ADIPOQ: variants seen among roughly 807,000 people sequenced by gnomAD.
The protein encoded by ADIPOQ is adiponectin, C1Q and collagen domain containing.
In ADIPOQ, 19 loss-of-function variants were observed where a neutral mutation model predicts 16.1. The ratio of observed to expected loss-of-function variants is 1.18; its 90% CI spans 0.82 to 1.73. ADIPOQ has a LOEUF of 1.73. ADIPOQ is among the 40% of genes most tolerant of loss of function. The pLI is 0.00. For synonymous variants in ADIPOQ, 124 were observed against 125.5 expected (o/e 0.99, Z 0.08); for missense variants, 323 against 308.3 (o/e 1.05, Z -0.36).
intron 1 of ADIPOQ, 103 bp from the exon 2 acceptor site, chr3:186,852,948 G>C: frequency 8.2e-7 from 1 of 1,222,474 alleles, no homozygotes; most frequent in Non-Finnish European, 1.2e-6. Flanking sequence ...GCAGCTCCTA[G>C]AAGTAGACTC....
At chr3:186,848,229 AGAAGGAAGGAAGGAAGGAAAGAAG>A (rs1579204980) in intron 1 of ADIPOQ, among the ~76,000 whole-genome samples, 32 of 132,382 alleles carry the variant, frequency 2.4e-4, no homozygotes, top group East Asian at 1.0e-3. Context: ...AAGGAAGGAA[AGAAGGAAGGAAGGAAGGAAAGAAG>A]GAAGGAAGGA....
At chr3:186,846,251 C>CT (rs11412081) in intron 1 of ADIPOQ, among the ~76,000 whole-genome samples, 100,515 of 147,324 alleles carry the variant, frequency 0.68, 34,276 homozygotes, top group East Asian at 0.86. Flanking sequence ...ATTTTGTATA[C>CT]TTTTTTTTTT....
At chr3:186,851,286 C>T (rs948404674) in intron 1 of ADIPOQ, among the ~76,000 whole-genome samples, 1 of 152,148 alleles carries the variant, frequency 6.6e-6, no homozygotes, top group African/African-American at 2.4e-5. Context: ...CCACATTAAC[C>T]CACAGAGGGT....
In ADIPOQ at chr3:186,857,985, T is replaced by A. The variant is rs1712072810; in HGVS notation, c.*3281T>A. 1 of 151,688 alleles carries A rather than the reference T, an allele frequency of 6.6e-6. No homozygotes were observed. The highest frequency in any genetic ancestry group is 1.5e-5 in the Non-Finnish European group (1 of 67,938). The allele number at this position is 151,688 out of a possible 1,614,324, so 9.4% of individuals were successfully genotyped here. A position where few individuals can be genotyped will look rare whatever the true frequency, so the allele number is the denominator to read the frequency against. ...TCCTCCTTTTCTTTCTCTCTCTCTC[T>A]CTCTCTCTTTTTTTGACAGACTCTC... On this transcript the variant is annotated 3_prime_UTR_variant, in exon 3 of 3. Transcript: ENST00000320741.
intron 1 of ADIPOQ, among the ~76,000 whole-genome samples, chr3:186,847,850 CTTAG>C (rs1198848346): frequency 3.9e-5 from 6 of 152,250 alleles, no homozygotes; most frequent in African/African-American, 1.4e-4. Flanking sequence ...CTCACTATTA[CTTAG>C]TAATAATTTT....
chr3:186,857,351 A>T lies in ADIPOQ; in HGVS notation c.*2647A>T, dbSNP rs938646056. 1 of 152,250 alleles carries T rather than the reference A, an allele frequency of 6.6e-6. No homozygotes were observed. The highest frequency in any genetic ancestry group is 6.5e-5 in the Admixed American group (1 of 15,280). The allele number at this position is 152,250 out of a possible 1,614,324, so 9.4% of individuals were successfully genotyped here. A position where few individuals can be genotyped will look rare whatever the true frequency, so the allele number is the denominator to read the frequency against. On this transcript the variant is annotated 3_prime_UTR_variant, in exon 3 of 3. Coordinates refer to ENST00000320741, the MANE Select transcript of ADIPOQ (RefSeq NM_004797.4). ...ACTGTTATCAGAAATAGGAGAGTGG[A>T]TGATAGATGCAAAATAATACCTGTC...
chr3:186,843,266 C>T (rs1205052179), intron 1 of ADIPOQ, among the ~76,000 whole-genome samples: 1 of 152,160 alleles, frequency 6.6e-6, no homozygotes, highest in African/African-American at 2.4e-5. Context: ...ATGGGCTAGA[C>T]AGTGGATTGG....
rs1712029097 is a variant in ADIPOQ at position 186,856,973 on chromosome 3, CCTT to C, written c.*2272_*2274del. The C allele has an allele frequency of 6.6e-6, 1 of 152,218 alleles. No homozygotes were observed. Among genetic ancestry groups the C allele is most frequent in the Non-Finnish European group, 1.5e-5 (1 of 68,044 alleles). 9.4% of individuals were successfully genotyped at this position (152,218 alleles called of 1,614,324 possible). A position where few individuals can be genotyped will look rare whatever the true frequency, so the allele number is the denominator to read the frequency against. ...ACAATCAAGACCCTTTTCTGTATGTCCTTCTGTTCTGCCTTCCGCAGTGTAGGC... is the reference window on the plus strand; with the variant it reads ...ACAATCAAGACCCTTTTCTGTATGTCCTGTTCTGCCTTCCGCAGTGTAGGC... On this transcript the variant is annotated 3_prime_UTR_variant, in exon 3 of 3. Transcript: ENST00000320741.
At position 186,854,241 on chromosome 3, in the gene ADIPOQ, C is replaced by A. The variant is rs200470297; in HGVS notation, c.272C>A (p.Pro91His). Residue 91 changes from proline to histidine, a missense_variant, in exon 3 of 3, where the codon CCC becomes CAC. Physicochemically the swap from Pro to His is moderately conservative, Grantham distance 77. Coordinates refer to ENST00000320741, the MANE Select transcript of ADIPOQ (RefSeq NM_004797.4). Reference sequence around the variant, plus strand: ...ACCGGAGTACCCGGGGCTGAAGGTCCCCGAGGCTTTCCGGGAATCCAAGGC... The same window carrying A: ...ACCGGAGTACCCGGGGCTGAAGGTCACCGAGGCTTTCCGGGAATCCAAGGC... Reference protein sequence around the residue: ...GETGVPGAEGPRGFPGIQGRK... With the variant: ...GETGVPGAEGHRGFPGIQGRK... 1 of 1,613,574 alleles carries A rather than the reference C, an allele frequency of 6.2e-7. No homozygotes were observed. The highest frequency in any genetic ancestry group is 2.2e-5 in the East Asian group (1 of 44,880).
chr3:186,844,913 T>C (rs1027325390), intron 1 of ADIPOQ, among the ~76,000 whole-genome samples: 5 of 152,118 alleles, frequency 3.3e-5, no homozygotes, highest in African/African-American at 1.2e-4. Flanking sequence ...ACGGCTAAAG[T>C]CAAGAGGTGA....
intron 1 of ADIPOQ, among the ~76,000 whole-genome samples, chr3:186,845,097 T>C (rs1214979619): frequency 6.6e-6 from 1 of 150,856 alleles, no homozygotes; most frequent in African/African-American, 2.4e-5. Context: ...TTTGGATGGG[T>C]GTGTATGTGT....
At chr3:186,852,980 T>G in intron 1 of ADIPOQ, 71 bp from the exon 2 acceptor site, 3 of 1,533,176 alleles carry the variant, frequency 2.0e-6, no homozygotes, top group Non-Finnish European at 2.7e-6. Context: ...ACGGAGTCCT[T>G]TGTAGGTCCC....
intron 1 of ADIPOQ, among the ~76,000 whole-genome samples, chr3:186,845,380 A>AT (rs984075927): frequency 3.7e-4 from 56 of 151,552 alleles, no homozygotes; most frequent in African/African-American, 1.2e-3. Context: ...TTTTATTTTT[A>AT]TTTTTTTTGA....
intron 1 of ADIPOQ, among the ~76,000 whole-genome samples, chr3:186,844,056 A>G (rs562267535): frequency 3.6e-4 from 55 of 152,248 alleles, no homozygotes; most frequent in African/African-American, 1.3e-3. Context: ...GGTTGGGGAG[A>G]TGGGGGTCCC....
At chr3:186,844,473 T>C (rs934639286) in intron 1 of ADIPOQ, among the ~76,000 whole-genome samples, 2 of 144,494 alleles carry the variant, frequency 1.4e-5, no homozygotes, top group African/African-American at 5.2e-5. Context: ...ATCACAGCAT[T>C]GCACTCCAGC....
At chr3:186,852,441 GGTGA>G (rs1711808388) in intron 1 of ADIPOQ, 1 of 154,190 alleles carries the variant, frequency 6.5e-6, no homozygotes, top group Non-Finnish European at 1.4e-5. Context: ...CTTAACACAA[GGTGA>G]GTCTCTCCCT....
chr3:186,853,646 A>G (rs913601734), intron 2 of ADIPOQ: 4 of 288,730 alleles, frequency 1.4e-5, no homozygotes, highest in Non-Finnish European at 2.6e-5. Context: ...CCTTTGGGGA[A>G]CTCTTGATCT....
At chr3:186,846,175 C>T (rs866756422) in intron 1 of ADIPOQ, among the ~76,000 whole-genome samples, 12 of 152,228 alleles carry the variant, frequency 7.9e-5, no homozygotes, top group Middle Eastern at 3.4e-3. Context: ...CTCAGCCTTC[C>T]CATTTGTAAA....
At position 186,853,101 on chromosome 3, in the gene ADIPOQ, G is replaced by A. The variant is rs537542748; in HGVS notation, c.43G>A (p.Gly15Ser). The A allele has an allele frequency of 3.5e-5, 56 of 1,614,150 alleles. 3 individuals are homozygous for A. The highest frequency in any genetic ancestry group is 1.9e-4 in the African/African-American group (14 of 75,050). Reference sequence around the variant, plus strand: ...TGTTCTACTGCTATTAGCTCTGCCCGGTCATGACCAGGAAACCACGACTCA... The same window carrying A: ...TGTTCTACTGCTATTAGCTCTGCCCAGTCATGACCAGGAAACCACGACTCA... ...GAVLLLLALP[G>S]HDQETTTQGP... is the part of the protein sequence containing the mutation. Residue 15 changes from glycine (G) to serine (S), a missense_variant, in exon 2 of 3, where the codon GGT (glycine) becomes AGT (serine). Physicochemically the swap from Gly to Ser is moderately conservative, Grantham distance 56 (BLOSUM62 0). Transcript: ENST00000320741.
Sources: gnomAD v4.1 joint callset for allele counts (sites outside exome capture counted in the v4.1 genomes callset) on GRCh38, gnomAD v4.1.1 for gene constraint, MANE v1.5 for transcripts, NCBI Gene and HGNC (gene_info 2026-07-23, HGNC 2026-07-21) for gene names.